DNAH5: variants seen among roughly 807,000 people sequenced by gnomAD.
DNAH5 encodes the protein dynein axonemal heavy chain 5.
DNAH5 carries 372 observed loss-of-function variants against 518.2 expected under a neutral mutation model. The ratio of observed to expected loss-of-function variants is 0.72; its 90% CI spans 0.66 to 0.78. The LOEUF is 0.78. Ranked by LOEUF, DNAH5 falls within the 30% of genes least tolerant of loss-of-function variation. DNAH5 has a pLI of 0.00. For missense variants in DNAH5, 5,523 were observed against 5,687.0 expected (o/e 0.97, Z 0.93); for synonymous variants, 2,039 against 2,025.9 (o/e 1.01, Z -0.17).
At chr5:14,002,347 G>A (rs1455157336) in intron 1 of DNAH5, among the ~76,000 whole-genome samples, 3 of 152,018 alleles carry the variant, frequency 2.0e-5, no homozygotes, top group Admixed American at 2.0e-4. Context: ...AGTTTTTCTG[G>A]CTATCTGATG....
In DNAH5 at chr5:13,844,902, G is replaced by A. The variant is rs759697461; in HGVS notation, c.5206C>T (p.His1736Tyr). ...LEILGQASDS[H>Y]TIQAHLLNVF... is the part of the protein sequence containing the mutation. ...TTCAGCAAATGGGCCTGTATAGTGTGGGAGTCCGACGCCTGCCCCAGAATC... is the reference window on the plus strand; with the variant it reads ...TTCAGCAAATGGGCCTGTATAGTGTAGGAGTCCGACGCCTGCCCCAGAATC... The change falls in exon 32 of 79, where the codon CAC becomes TAC. Residue 1736 changes from histidine to tyrosine, a missense_variant. His to Tyr is a moderately conservative substitution (Grantham distance 83, BLOSUM62 2). Coordinates refer to ENST00000265104, the MANE Select transcript of DNAH5 (RefSeq NM_001369.3). The A allele has an allele frequency of 2.5e-6, 4 of 1,614,054 alleles. No homozygotes were observed. Among genetic ancestry groups the A allele is most frequent in the Non-Finnish European group, 3.4e-6 (4 of 1,180,044 alleles).
intron 28 of DNAH5, 98 bp downstream of exon 28, chr5:13,864,299 G>T: frequency 6.6e-7 from 1 of 1,514,982 alleles, no homozygotes; most frequent in Non-Finnish European, 9.1e-7. Context: ...AGTTTCAATT[G>T]TCTGAGTGTA....
At chr5:13,806,853 TG>T in intron 47 of DNAH5, among the ~76,000 whole-genome samples, 1 of 152,318 alleles carries the variant, frequency 6.6e-6, no homozygotes, top group South Asian at 2.1e-4. Context: ...CTCACACTTC[TG>T]TGATACATAG....
chr5:13,741,138 A>C (rs1748467375), intron 65 of DNAH5, among the ~76,000 whole-genome samples: 1 of 152,180 alleles, frequency 6.6e-6, no homozygotes, highest in South Asian at 2.1e-4. Flanking sequence ...TCAATCTCTG[A>C]AAACCATGAC....
In DNAH5 at chr5:13,819,112, C is replaced by T. The variant is rs141115760; in HGVS notation, c.6841+1234G>A. On this transcript the variant is annotated intron_variant, in intron 41 of 78. Transcript: ENST00000265104. ...ACTCATTTTGTTCGAGTCATTGTAC[C>T]GTGTGCATTTAAAGTTTATTGTTAA... Among the ~76,000 whole-genome samples, 695 of 152,178 alleles carry T rather than the reference C, an allele frequency of 4.6e-3. 8 individuals carry two copies. Among genetic ancestry groups the T allele is most frequent in the Admixed American group, 0.024 (370 of 15,286 alleles).
rs544750275 is a variant in DNAH5, at chr5:13,890,422, G to C, written c.2577+554C>G. Among the ~76,000 whole-genome samples, 27 of 136,202 alleles carry C rather than the reference G, an allele frequency of 2.0e-4. No individual in the cohort carries two copies. The East Asian group carries it at 4.6e-3, about 23-fold the overall frequency. 89.4% of individuals were successfully genotyped at this position (136,202 alleles called of 152,430 possible). A position where few individuals can be genotyped will look rare whatever the true frequency, so the allele number is the denominator to read the frequency against. ...ACTCCATCTCAAAAAAAAAAAAAAAGGTTAAATGGAGATCTTCTGAGGGCC... is the reference window on the plus strand; with the variant it reads ...ACTCCATCTCAAAAAAAAAAAAAAACGTTAAATGGAGATCTTCTGAGGGCC... On this transcript the variant is annotated intron_variant, in intron 17 of 78. Coordinates refer to ENST00000265104, the MANE Select transcript of DNAH5 (RefSeq NM_001369.3).
chr5:13,754,351 A>G lies in DNAH5; in HGVS notation c.10420-13T>C, dbSNP rs747801456. 1.4e-5 allele frequency: 22 copies of G among 1,613,970 alleles called. 1 individual carries two copies. Among genetic ancestry groups the G allele is most frequent in the Non-Finnish European group, 1.4e-5 (17 of 1,179,946 alleles). On this transcript the variant is annotated splice_polypyrimidine_tract_variant and intron_variant, in intron 61 of 78. Transcript: ENST00000265104. Reference sequence around the variant, plus strand: ...CTTCAAGCAAGGTCTAACAAAGGTCATAATCACAAGAAAGCTTTTACTGAA... The same window carrying G: ...CTTCAAGCAAGGTCTAACAAAGGTCGTAATCACAAGAAAGCTTTTACTGAA...
chr5:13,795,845 A>C (rs1210918884), intron 47 of DNAH5, among the ~76,000 whole-genome samples: 3 of 152,238 alleles, frequency 2.0e-5, no homozygotes, highest in African/African-American at 7.2e-5. Flanking sequence ...CAAAAAACTT[A>C]TCCACCATGA....
At chr5:13,952,214 T>G (rs1194293009) in intron 1 of DNAH5, among the ~76,000 whole-genome samples, 1 of 152,232 alleles carries the variant, frequency 6.6e-6, no homozygotes, top group Non-Finnish European at 1.5e-5. Flanking sequence ...GACATATCCA[T>G]AAACACTGAT....
Position 13,820,420 on chromosome 5 carries a change from T to C in DNAH5, c.6767A>G (p.His2256Arg). The C allele has an allele frequency of 6.2e-7, 1 of 1,614,024 alleles. No homozygotes were observed. ...IQLFETQRVR[H>R]GMMTLGPSGA... The stretch of plus-strand genomic sequence containing the variant: ...ACTGGGCCCCAGAGTCATCATCCCA[T>C]GTCGCACTCTCTGCGTTTCGAATAG... The change falls in exon 41 of 79, where the codon CAT becomes CGT. Residue 2256 changes from histidine (H) to arginine (R), a missense_variant. Physicochemically the swap from His to Arg is conservative, Grantham distance 29. This residue lies in a region of DNAH5 where 5,121 missense variants were observed against 5,223.3 expected (regional missense o/e 0.98). Transcript: ENST00000265104.
chr5:13,768,273 T>C (rs72732619), intron 58 of DNAH5, among the ~76,000 whole-genome samples: 38 of 152,260 alleles, frequency 2.5e-4, no homozygotes, highest in Non-Finnish European at 4.4e-4. Context: ...TCAGGAGATC[T>C]GATGGTTTCA....
intron 47 of DNAH5, among the ~76,000 whole-genome samples, chr5:13,807,218 T>C (rs1050902680): frequency 2.0e-5 from 3 of 152,164 alleles, no homozygotes; most frequent in Admixed American, 6.5e-5. Flanking sequence ...GTGCCTAGCC[T>C]AAAAGAGTAT....
chr5:13,752,202 C>T lies in DNAH5; in HGVS notation c.10960G>A (p.Glu3654Lys), dbSNP rs138486840. 1 of 1,614,028 alleles carries T rather than the reference C, an allele frequency of 6.2e-7. No homozygotes were observed. The highest frequency in any genetic ancestry group is 1.1e-5 in the South Asian group (1 of 91,080). Reference sequence around the variant, plus strand: ...TTATCTAGTGCTGGATCTAGTTCCTCTCCAACATCTTCAATAAGCAAAGGC... The same window carrying T: ...TTATCTAGTGCTGGATCTAGTTCCTTTCCAACATCTTCAATAAGCAAAGGC... Reference protein sequence around the residue: ...GRPLLIEDVGEELDPALDNVL... With the variant: ...GRPLLIEDVGKELDPALDNVL... The change falls in exon 64 of 79, where the codon GAG (glutamate) becomes AAG (lysine). Residue 3654 changes from glutamate to lysine, a missense_variant. This residue lies in a region of DNAH5 where 5,121 missense variants were observed against 5,223.3 expected (regional missense o/e 0.98). Coordinates refer to ENST00000265104, the MANE Select transcript of DNAH5 (RefSeq NM_001369.3).
intron 46 of DNAH5, 90 bp downstream of exon 46, chr5:13,808,954 C>T (rs550187809): frequency 1.2e-5 from 17 of 1,462,874 alleles, no homozygotes; most frequent in East Asian, 2.3e-5. Flanking sequence ...AGTGAGACTC[C>T]GTCTCAGTAA....
chr5:13,837,900 C>T (rs967084944), intron 35 of DNAH5, among the ~76,000 whole-genome samples: 1 of 151,908 alleles, frequency 6.6e-6, no homozygotes, highest in African/African-American at 2.4e-5. Flanking sequence ...CAAGGTTTCA[C>T]CGTGTTAGCC....
At chr5:13,798,296 T>C (rs968109945) in intron 47 of DNAH5, among the ~76,000 whole-genome samples, 1 of 152,212 alleles carries the variant, frequency 6.6e-6, no homozygotes, top group Non-Finnish European at 1.5e-5. Flanking sequence ...TGACTGGTGT[T>C]CTCACGTCCA....
chr5:13,725,204 T>C (rs1223907031), intron 70 of DNAH5, among the ~76,000 whole-genome samples: 2 of 152,170 alleles, frequency 1.3e-5, no homozygotes, highest in East Asian at 1.9e-4. Flanking sequence ...CAGGGTGACA[T>C]GAAAGTATGA....
intron 35 of DNAH5, 110 bp from the exon 36 acceptor site, chr5:13,830,885 T>A (rs1763585534): frequency 2.0e-6 from 2 of 1,006,056 alleles, no homozygotes; most frequent in Non-Finnish European, 3.1e-6. Flanking sequence ...AAGGCCATTG[T>A]CCCTACCTAA....
At chr5:13,949,517 A>G (rs755215024), upstream of DNAH5, among the ~76,000 whole-genome samples, 1 of 152,200 alleles carries the variant, frequency 6.6e-6, no homozygotes, top group Non-Finnish European at 1.5e-5. Context: ...AATCTTGAAA[A>G]GATGCACAAG....
Sources: allele counts gnomAD v4.1 joint callset (sites outside exome capture counted in the v4.1 genomes callset), GRCh38; gene constraint gnomAD v4.1.1; regional missense constraint gnomAD v4.1.1; transcripts MANE v1.5; gene names NCBI Gene and HGNC (gene_info 2026-07-23, HGNC 2026-07-21).